ARHGAP26: variants seen among roughly 807,000 people sequenced by gnomAD.
The protein encoded by ARHGAP26 is Rho GTPase activating protein 26.
Under a neutral mutation model 104.8 loss-of-function variants are expected in ARHGAP26, and 38 were observed. The ratio of observed to expected loss-of-function variants is 0.36; its 90% CI spans 0.28 to 0.48. The LOEUF (loss-of-function observed/expected upper bound fraction) is 0.48, where lower values mean the gene tolerates loss of function less well. Ranked by LOEUF, ARHGAP26 falls within the 20% of genes least tolerant of loss-of-function variation. The pLI is 0.99. For synonymous variants in ARHGAP26, 341 were observed against 340.0 expected (o/e 1.00, Z -0.03); for missense variants, 704 against 947.9 (o/e 0.74, Z 3.38).
chr5:142,868,970 T>C (rs138453659), intron 1 of ARHGAP26: 2,376 of 153,546 alleles, frequency 0.015, 30 homozygotes, highest in Middle Eastern at 0.023. Context: ...AGGCACTCTT[T>C]GTGCATTGTG....
At chr5:143,158,170 G>T (rs1290259032) in intron 20 of ARHGAP26, among the ~76,000 whole-genome samples, 1 of 152,056 alleles carries the variant, frequency 6.6e-6, no homozygotes, top group Non-Finnish European at 1.5e-5. Context: ...TCTTTCCGTG[G>T]TGGCAGTGGA....
intron 4 of ARHGAP26, among the ~76,000 whole-genome samples, chr5:142,883,488 A>G (rs943094821): frequency 5.9e-5 from 9 of 152,258 alleles, no homozygotes; most frequent in African/African-American, 1.9e-4. Flanking sequence ...CTTTTAAGCA[A>G]AACTCAGATT....
intron 22 of ARHGAP26, among the ~76,000 whole-genome samples, chr5:143,217,095 G>C (rs258823): frequency 0.99 from 151,405 of 152,332 alleles, 75,248 homozygotes; most frequent in East Asian, 1. Context: ...CAGATTAAAT[G>C]ATCAAACCAA....
chr5:142,918,841 A>G (rs1395385604), intron 10 of ARHGAP26, among the ~76,000 whole-genome samples: 1 of 152,100 alleles, frequency 6.6e-6, no homozygotes, highest in Non-Finnish European at 1.5e-5. Flanking sequence ...CAAACCGAAA[A>G]CTTGCTTGGA....
At chr5:143,178,486 C>T (rs1050905030) in intron 20 of ARHGAP26, among the ~76,000 whole-genome samples, 2 of 152,208 alleles carry the variant, frequency 1.3e-5, no homozygotes, top group Non-Finnish European at 2.9e-5. Flanking sequence ...ATTTGCTTCC[C>T]CTACCTACAC....
chr5:143,005,049 C>G (rs1370228617), intron 11 of ARHGAP26, among the ~76,000 whole-genome samples: 1 of 152,048 alleles, frequency 6.6e-6, no homozygotes, highest in Admixed American at 6.6e-5. Flanking sequence ...CTCTAGAGTT[C>G]CCTATAAAGC....
intron 17 of ARHGAP26, among the ~76,000 whole-genome samples, chr5:143,075,651 C>T (rs1006719935): frequency 4.6e-5 from 7 of 152,146 alleles, no homozygotes; most frequent in Admixed American, 6.5e-5. Context: ...CTGCTAAGGA[C>T]AATATTGATT....
chr5:143,163,703 G>C (rs576419446), intron 20 of ARHGAP26, among the ~76,000 whole-genome samples: 1 of 151,948 alleles, frequency 6.6e-6, no homozygotes, highest in East Asian at 1.9e-4. Context: ...CATCCACCTC[G>C]GTCTCCCAAA....
Position 143,224,265 on chromosome 5 carries a change from AAG to A in ARHGAP26, c.*1824_*1825del. 1 of 232,218 alleles carries A rather than the reference AAG, an allele frequency of 4.3e-6. No homozygotes were observed. Among genetic ancestry groups the A allele is most frequent in the Non-Finnish European group, 8.5e-6 (1 of 117,144 alleles). 14.4% of individuals were successfully genotyped at this position (232,218 alleles called of 1,614,324 possible). Reference sequence around the variant, plus strand: ...GAGGGAGAGAGGGGAGGCAAAGCTGAAGAGAGTCAAGGTCACTGTCCCCGCTT... The same window carrying A: ...GAGGGAGAGAGGGGAGGCAAAGCTGAAGAGTCAAGGTCACTGTCCCCGCTT... On this transcript the variant is annotated 3_prime_UTR_variant, in exon 23 of 23. Transcript: ENST00000645722.
intron 10 of ARHGAP26, chr5:142,919,472 C>T (rs1176046397): frequency 1.5e-5 from 6 of 398,136 alleles, no homozygotes; most frequent in Non-Finnish European, 2.7e-5. Context: ...TTTGTTACGG[C>T]AGCCCCAGGA....
At chr5:142,882,715 C>A (rs190859232) in intron 4 of ARHGAP26, among the ~76,000 whole-genome samples, 71 of 152,296 alleles carry the variant, frequency 4.7e-4, no homozygotes, top group African/African-American at 1.6e-3. Context: ...GTGGTAGGCA[C>A]CCTGCCAAGC....
chr5:143,162,125 G>T (rs1801309321), intron 20 of ARHGAP26, among the ~76,000 whole-genome samples: 1 of 152,040 alleles, frequency 6.6e-6, no homozygotes. Context: ...TCAAATGAAT[G>T]TGTTGGCTTC....
At chr5:143,030,949 T>C (rs1165369932) in intron 12 of ARHGAP26, among the ~76,000 whole-genome samples, 3 of 152,250 alleles carry the variant, frequency 2.0e-5, no homozygotes, top group African/African-American at 7.2e-5. Context: ...TGGTGCATCA[T>C]AGTCTGAAAG....
chr5:142,907,953 C>T (rs1478227713), intron 9 of ARHGAP26, 149 bp downstream of exon 9: 1 of 312,056 alleles, frequency 3.2e-6, no homozygotes, highest in East Asian at 5.2e-5. Context: ...TATAGTAGTT[C>T]AGGAAGCCTA....
intron 11 of ARHGAP26, among the ~76,000 whole-genome samples, chr5:142,948,855 A>G (rs1767583409): frequency 6.6e-6 from 1 of 152,166 alleles, no homozygotes; most frequent in Non-Finnish European, 1.5e-5. Flanking sequence ...CTATAATCAT[A>G]GCACTATGGG....
chr5:143,088,266 A>G (rs1790889229), intron 17 of ARHGAP26, among the ~76,000 whole-genome samples: 1 of 152,198 alleles, frequency 6.6e-6, no homozygotes, highest in African/African-American at 2.4e-5. Context: ...TGTAAGCCCT[A>G]TGTGTGCAGT....
chr5:143,210,039 G>A (rs1403683468), intron 21 of ARHGAP26, among the ~76,000 whole-genome samples: 4 of 152,190 alleles, frequency 2.6e-5, no homozygotes, highest in Admixed American at 6.5e-5. Flanking sequence ...TATTGAATTA[G>A]ATCTAATCAG....
intron 1 of ARHGAP26, among the ~76,000 whole-genome samples, chr5:142,822,499 A>G (rs987394212): frequency 1.3e-5 from 2 of 152,124 alleles, no homozygotes; most frequent in East Asian, 1.9e-4. Context: ...TAATTCCTAA[A>G]TAGGAAACAA....
chr5:142,816,370 C>T (rs1035817551), intron 1 of ARHGAP26, among the ~76,000 whole-genome samples: 3 of 152,150 alleles, frequency 2.0e-5, no homozygotes, highest in East Asian at 1.9e-4. Flanking sequence ...AAGGCTGCAG[C>T]GATAAAGCCT....
Sources: gnomAD v4.1 joint callset for allele counts (sites outside exome capture counted in the v4.1 genomes callset) on GRCh38, gnomAD v4.1.1 for gene constraint, MANE v1.5 for transcripts, NCBI Gene and HGNC (gene_info 2026-07-23, HGNC 2026-07-21) for gene names.